KCNB2: variants seen among roughly 807,000 people sequenced by gnomAD.
KCNB2 encodes the protein delayed rectifier potassium channel protein.
Under a neutral mutation model 61.5 loss-of-function variants are expected in KCNB2, and 15 were observed. The observed-to-expected ratio is 0.24, with a 90% CI of 0.16 to 0.38. The LOEUF (loss-of-function observed/expected upper bound fraction) is 0.38, where lower values mean the gene tolerates loss of function less well. Ranked by LOEUF, KCNB2 falls within the 10% of genes least tolerant of loss-of-function variation. KCNB2 has a pLI of 1.00. For missense variants in KCNB2, 828 were observed against 1,125.2 expected (o/e 0.74, Z 3.78); for synonymous variants, 457 against 446.0 (o/e 1.02, Z -0.31).
chr8:72,889,412 A>G (rs1243789447), intron 2 of KCNB2, among the ~76,000 whole-genome samples: 3 of 152,150 alleles, frequency 2.0e-5, no homozygotes, highest in Non-Finnish European at 4.4e-5. Context: ...CAACAGCCAC[A>G]TGCGGTAGCT....
At chr8:72,656,406 C>T (rs970746405) in intron 2 of KCNB2, among the ~76,000 whole-genome samples, 7 of 152,084 alleles carry the variant, frequency 4.6e-5, no homozygotes, top group African/African-American at 1.7e-4. Context: ...AACCTGTTTA[C>T]TCTATGGCTT....
intron 2 of KCNB2, among the ~76,000 whole-genome samples, chr8:72,919,029 G>C (rs1024981512): frequency 2.6e-5 from 4 of 152,206 alleles, no homozygotes; most frequent in Non-Finnish European, 4.4e-5. Flanking sequence ...GGGCTTTTGG[G>C]CACCCACAGG....
chr8:72,914,906 C>CTTT (rs369558325), intron 2 of KCNB2, among the ~76,000 whole-genome samples: 3 of 136,268 alleles, frequency 2.2e-5, no homozygotes, highest in African/African-American at 5.6e-5. Context: ...GACTAATCTT[C>CTTT]TTTTTTTTTT....
At chr8:72,712,560 G>T (rs572678114) in intron 2 of KCNB2, among the ~76,000 whole-genome samples, 1 of 152,342 alleles carries the variant, frequency 6.6e-6, no homozygotes, top group African/African-American at 2.4e-5. Flanking sequence ...GCCACAGTCA[G>T]TGGTCCAAGC....
chr8:72,619,076 G>C lies in KCNB2; in HGVS notation c.579+50763G>C, dbSNP rs1805665950. On this transcript the variant is annotated intron_variant, in intron 2 of 2. Coordinates refer to ENST00000523207, the MANE Select transcript of KCNB2 (RefSeq NM_004770.3). ...AAGACAAATGAAACTCTACTTTCTT[G>C]AGATCCTCTTTTTGACATTTTTCCA... The C allele has an allele frequency of 1.0e-5, 3 of 291,916 alleles. No individual in the cohort carries two copies. The Admixed American group carries it at 1.5e-4, about 14-fold the overall frequency. The allele number at this position is 291,916 out of a possible 1,614,324, so 18.1% of individuals were successfully genotyped here.
Position 72,789,335 on chromosome 8 carries a change from C to A in KCNB2, c.580-146600C>A, listed in dbSNP as rs143165820. On this transcript the variant is annotated intron_variant, in intron 2 of 2. Transcript: ENST00000523207. ...CGGCTCATAATTGAAAAGCAATAGACCTTAGGTGAGAATTCAGTTGTGTCC... is the reference window on the plus strand; with the variant it reads ...CGGCTCATAATTGAAAAGCAATAGAACTTAGGTGAGAATTCAGTTGTGTCC... 6.8e-4 allele frequency among the ~76,000 whole-genome samples: 103 copies of A among 152,194 alleles called. 1 individual carries two copies. The highest frequency in any genetic ancestry group is 2.4e-3 in the African/African-American group (99 of 41,504).
intron 2 of KCNB2, among the ~76,000 whole-genome samples, chr8:72,652,954 C>T (rs1180722237): frequency 1.3e-5 from 2 of 152,196 alleles, no homozygotes; most frequent in South Asian, 2.1e-4. Context: ...AGTGGGAACC[C>T]GTAGCCTGCC....
chr8:72,890,804 T>G (rs1430838987), intron 2 of KCNB2, among the ~76,000 whole-genome samples: 1 of 152,204 alleles, frequency 6.6e-6, no homozygotes, highest in African/African-American at 2.4e-5. Context: ...TGCCCGTTAG[T>G]AACTGTAAAC....
intron 2 of KCNB2, among the ~76,000 whole-genome samples, chr8:72,917,800 T>A (rs564117919): frequency 6.6e-6 from 1 of 152,330 alleles, no homozygotes; most frequent in African/African-American, 2.4e-5. Flanking sequence ...TGCCTGAAAT[T>A]CTACTGATGA....
chr8:72,778,944 A>T (rs917950732), intron 2 of KCNB2, among the ~76,000 whole-genome samples: 1 of 152,048 alleles, frequency 6.6e-6, no homozygotes, highest in Non-Finnish European at 1.5e-5. Context: ...TCTTTTAAAC[A>T]TAGCTGCCAG....
At chr8:72,810,020 G>C (rs563688644) in intron 2 of KCNB2, among the ~76,000 whole-genome samples, 33 of 152,196 alleles carry the variant, frequency 2.2e-4, no homozygotes, top group African/African-American at 7.9e-4. Flanking sequence ...TCTCACCTTT[G>C]CTCCTCCTAG....
chr8:72,680,306 G>C (rs1806730613), intron 2 of KCNB2, among the ~76,000 whole-genome samples: 1 of 152,158 alleles, frequency 6.6e-6, no homozygotes, highest in African/African-American at 2.4e-5. Flanking sequence ...GAGGGAGTGT[G>C]GGAGGTGAAC....
At chr8:72,849,243 T>C (rs910764600) in intron 2 of KCNB2, among the ~76,000 whole-genome samples, 1 of 151,892 alleles carries the variant, frequency 6.6e-6, no homozygotes, top group South Asian at 2.1e-4. Context: ...ATTGTACATA[T>C]AGGGTACATG....
At position 72,937,934 on chromosome 8, in the gene KCNB2, G is replaced by T. The variant is rs1260903844; in HGVS notation, c.2579G>T (p.Gly860Val). ...SVGSSSPQDT[G>V]HNCRQDIYHA... ...GGCTCTTCCTCCCCGCAGGACACAG[G>T]TCACAACTGTAGGCAAGACATTTAC... is the stretch of plus-strand genomic sequence containing the variant. The change falls in exon 3 of 3, where the codon GGT becomes GTT. Residue 860 changes from glycine to valine, a missense_variant. By Grantham distance (109) the Gly-to-Val change is moderately radical (BLOSUM62 -3). Transcript: ENST00000523207. The T allele has an allele frequency of 6.2e-7, 1 of 1,613,976 alleles. No individual in the cohort carries two copies. The highest frequency in any genetic ancestry group is 2.2e-5 in the East Asian group (1 of 44,870).
intron 2 of KCNB2, among the ~76,000 whole-genome samples, chr8:72,756,015 C>T (rs1206939220): frequency 6.6e-6 from 1 of 152,144 alleles, no homozygotes; most frequent in African/African-American, 2.4e-5. Flanking sequence ...GCTTTCTGGC[C>T]ATGACTACCA....
chr8:72,674,284 G>A (rs1248391308), intron 2 of KCNB2, among the ~76,000 whole-genome samples: 1 of 152,168 alleles, frequency 6.6e-6, no homozygotes, highest in Non-Finnish European at 1.5e-5. Flanking sequence ...ACATCTTGGA[G>A]TTCAAAGTGT....
At chr8:72,550,725 G>C (rs918799667) in intron 1 of KCNB2, among the ~76,000 whole-genome samples, 1 of 152,180 alleles carries the variant, frequency 6.6e-6, no homozygotes. Flanking sequence ...GTCAGGAAAA[G>C]CCAGTCCTAA....
At chr8:72,803,487 A>G (rs1410466147) in intron 2 of KCNB2, among the ~76,000 whole-genome samples, 4 of 152,194 alleles carry the variant, frequency 2.6e-5, no homozygotes, top group Admixed American at 6.5e-5. Flanking sequence ...TCACATCTCT[A>G]TACACTGGAC....
At chr8:72,568,396 G>C (rs1806660946) in intron 2 of KCNB2, 83 bp downstream of exon 2, 1 of 1,216,976 alleles carries the variant, frequency 8.2e-7, no homozygotes, top group Non-Finnish European at 1.2e-6. Flanking sequence ...TTTTTTTACT[G>C]TTTTGGTAAC....
Sources: allele counts gnomAD v4.1 joint callset (sites outside exome capture counted in the v4.1 genomes callset), GRCh38; gene constraint gnomAD v4.1.1; transcripts MANE v1.5; gene names NCBI Gene and HGNC (gene_info 2026-07-23, HGNC 2026-07-21).